Variants in TCTN1 observed in about 807,000 individuals in gnomAD.
TCTN1 encodes tectonic family member 1.
A neutral mutation model predicts 65.8 loss-of-function variants in TCTN1; 58 were observed. The ratio of observed to expected loss-of-function variants is 0.88; its 90% CI spans 0.71 to 1.10. The LOEUF (loss-of-function observed/expected upper bound fraction) is 1.10. TCTN1 is among the 50% of genes least tolerant of loss of function. The pLI, the probability that TCTN1 is intolerant of heterozygous loss-of-function variation, is 0.00. For synonymous variants in TCTN1, 273 were observed against 289.1 expected (o/e 0.94, Z 0.57); for missense variants, 645 against 719.4 (o/e 0.90, Z 1.18).
intron 6 of TCTN1, chr12:110,636,127 G>T: frequency 3.7e-6 from 1 of 272,904 alleles, no homozygotes; most frequent in South Asian, 4.1e-5. Context: ...AAGGACAGGT[G>T]CAGTGAGAGT....
intron 2 of TCTN1, among the ~76,000 whole-genome samples, chr12:110,625,096 A>G (rs1255421891): frequency 6.6e-6 from 1 of 152,170 alleles, no homozygotes; most frequent in East Asian, 1.9e-4. Context: ...AGGAATTTGG[A>G]TCTATTCTGG....
Position 110,614,338 on chromosome 12 carries a change from G to GC in TCTN1, c.162dup (p.Gly55ArgfsTer27), listed in dbSNP as rs1413972342. The GC allele has an allele frequency of 1.2e-6, 2 of 1,606,508 alleles. No homozygotes were observed. Among genetic ancestry groups the GC allele is most frequent in the Non-Finnish European group, 8.5e-7 (1 of 1,177,374 alleles). ...CCTTCGGAACTTTCCCGTCGACCAGGCCCCCCGGGACTCCCAGGGCTCCAG... is the reference window on the plus strand; with the variant it reads ...CCTTCGGAACTTTCCCGTCGACCAGGCCCCCCCGGGACTCCCAGGGCTCCAG... On this transcript the variant is annotated frameshift_variant, in exon 1 of 15. Transcript: ENST00000397659. LOFTEE classifies it high-confidence loss of function.
chr12:110,629,166 A>G lies in TCTN1; in HGVS notation c.624+248A>G, dbSNP rs1195179582. 1.9e-5 allele frequency: 11 copies of G among 590,290 alleles called. No individual in the cohort carries two copies. The East Asian group carries it at 3.1e-4, about 17-fold the overall frequency. The allele number at this position is 590,290 out of a possible 1,614,324, so 36.6% of individuals were successfully genotyped here. The stretch of plus-strand genomic sequence containing the variant: ...CCTAGAAGAAAACCCAGGCAATACC[A>G]TTCAGGACATAGACATGGGCAAAGA... On this transcript the variant is annotated intron_variant, in intron 4 of 14. Transcript: ENST00000397659.
chr12:110,641,438 T>C, intron 9 of TCTN1, 104 bp from the exon 10 acceptor site: 1 of 1,151,902 alleles, frequency 8.7e-7, no homozygotes. Flanking sequence ...AATTCTTTTA[T>C]TGGTTGGTAA....
chr12:110,633,214 C>A (rs2066343993), intron 5 of TCTN1, among the ~76,000 whole-genome samples: 1 of 152,226 alleles, frequency 6.6e-6, no homozygotes, highest in Non-Finnish European at 1.5e-5. Flanking sequence ...AGGCTTGGCT[C>A]TCCCATCCCC....
At chr12:110,642,569 C>A (rs1481711454) in intron 11 of TCTN1, among the ~76,000 whole-genome samples, 180 bp downstream of exon 11, 1 of 152,080 alleles carries the variant, frequency 6.6e-6, no homozygotes, top group African/African-American at 2.4e-5. Flanking sequence ...TTATTAAATA[C>A]GGCAAAGCAA....
At chr12:110,641,712 C>A in intron 10 of TCTN1, 85 bp downstream of exon 10, 1 of 1,390,680 alleles carries the variant, frequency 7.2e-7, no homozygotes, top group Non-Finnish European at 1.0e-6. Flanking sequence ...TGAGGCTCCC[C>A]TGGGCTGCTT....
rs771233284 is a variant in TCTN1 at position 110,628,870 on chromosome 12, T to A, written c.576T>A (p.Tyr192Ter). The A allele has an allele frequency of 1.1e-5, 17 of 1,613,680 alleles. No homozygotes were observed. The highest frequency in any genetic ancestry group is 8.5e-7 in the Non-Finnish European group (1 of 1,179,960). The change falls in exon 4 of 15, where the codon TAT (tyrosine) becomes TAA (stop). Residue 192 changes from tyrosine (Y) to a stop codon, truncating the protein, a stop_gained. Coordinates refer to ENST00000397659, the MANE Select transcript of TCTN1 (RefSeq NM_001082538.3). LOFTEE classifies it high-confidence loss of function. ...SDGFTLNAES[Y>*]VSFTTKLDIP... The stretch of plus-strand genomic sequence containing the variant: ...GTTTTACATTGAATGCTGAATCATA[T>A]GTTTCCTTCACAACCAAACTGGATA...
intron 1 of TCTN1, among the ~76,000 whole-genome samples, chr12:110,617,786 G>A (rs556664435): frequency 6.6e-6 from 1 of 151,136 alleles, no homozygotes; most frequent in East Asian, 2.0e-4. Context: ...GACTACGGGT[G>A]TGTGCCACCA....
At chr12:110,619,700 ATT>A (rs2065283246) in intron 1 of TCTN1, 134 bp from the exon 2 acceptor site, 1 of 1,393,984 alleles carries the variant, frequency 7.2e-7, no homozygotes, top group East Asian at 2.4e-5. Context: ...CACTTCACAA[ATT>A]TCCCCCAAAG....
chr12:110,626,541 T>G, intron 3 of TCTN1, 49 bp downstream of exon 3: 2 of 1,576,456 alleles, frequency 1.3e-6, no homozygotes, highest in Non-Finnish European at 1.7e-6. Context: ...AAAATTTTTC[T>G]CAAAGTTATG....
In TCTN1 at chr12:110,642,334, G is replaced by A; in HGVS notation, c.1276G>A (p.Gly426Arg). 1.2e-6 allele frequency: 2 copies of A among 1,614,206 alleles called. No individual in the cohort carries two copies. Among genetic ancestry groups the A allele is most frequent in the South Asian group, 2.2e-5 (2 of 91,086 alleles). ...TTEQDCLALE[G>R]VRTPVLFGYT... ...TGAGCAAGACTGCTTAGCACTGGAG[G>A]GGGTCCGGACCCCAGTATTATTTGG... is the stretch of plus-strand genomic sequence containing the variant. Residue 426 changes from glycine to arginine, a missense_variant, in exon 11 of 15, where the codon GGG (glycine) becomes AGG (arginine). Coordinates refer to ENST00000397659, the MANE Select transcript of TCTN1 (RefSeq NM_001082538.3).
intron 5 of TCTN1, chr12:110,634,292 C>A (rs1593312018): frequency 4.8e-6 from 2 of 419,136 alleles, no homozygotes; most frequent in East Asian, 1.5e-4. Context: ...AGCTGGGGGG[C>A]AGGACAAGAA....
At chr12:110,626,763 G>GTTT (rs1236209029) in intron 3 of TCTN1, among the ~76,000 whole-genome samples, 125 of 89,870 alleles carry the variant, frequency 1.4e-3, no homozygotes, top group African/African-American at 1.7e-3. Flanking sequence ...TGTGTGCGTG[G>GTTT]TTTTTTTTTT....
intron 4 of TCTN1, among the ~76,000 whole-genome samples, chr12:110,630,935 G>C (rs1188098868): frequency 6.6e-6 from 1 of 152,146 alleles, no homozygotes; most frequent in East Asian, 1.9e-4. Flanking sequence ...AAAGCAACTT[G>C]TCAGAACTAG....
Position 110,640,401 on chromosome 12 carries a change from T to C in TCTN1, c.862T>C (p.Ser288Pro), listed in dbSNP as rs774309496. 4 of 1,614,134 alleles carry C rather than the reference T, an allele frequency of 2.5e-6. No individual in the cohort carries two copies. In the Admixed American group the frequency reaches 6.7e-5, roughly 27 times the overall value. ...SRKKVPITVQSIVIQSLNKTL... is the reference protein window; with the variant it reads ...SRKKVPITVQPIVIQSLNKTL... ...TCTGCAGGTCCCTATCACTGTTCAG[T>C]CCATCGTCATTCAGTCTCTAAATAA... is the stretch of plus-strand genomic sequence containing the variant. The change falls in exon 8 of 15, where the codon TCC becomes CCC. Residue 288 changes from serine to proline, a missense_variant. Ser to Pro is a moderately conservative substitution (Grantham distance 74). Transcript: ENST00000397659. The surrounding 1 kb of genome is among the most constrained non-coding windows in gnomAD (Gnocchi z 4.9).
chr12:110,634,781 TA>T lies in TCTN1; in HGVS notation c.822+4del. 1 of 1,601,294 alleles carries T rather than the reference TA, an allele frequency of 6.2e-7. No individual in the cohort carries two copies. The highest frequency in any genetic ancestry group is 8.5e-7 in the Non-Finnish European group (1 of 1,171,550). Reference sequence around the variant, plus strand: ...TACAGCAGCCCGGAAATTCTGAGGGTAAGAATTATTTTGAAGTGGAACTTAC... The same window carrying T: ...TACAGCAGCCCGGAAATTCTGAGGGTAGAATTATTTTGAAGTGGAACTTAC... On this transcript the variant is annotated splice_donor_region_variant and intron_variant, in intron 6 of 14. Transcript: ENST00000397659.
intron 2 of TCTN1, 87 bp from the exon 3 acceptor site, chr12:110,626,275 A>G: frequency 7.1e-7 from 1 of 1,411,800 alleles, no homozygotes. Flanking sequence ...ATAGTACAGT[A>G]CAAGCATCTG....
chr12:110,641,472 G>A (rs1207473431), intron 9 of TCTN1, 70 bp from the exon 10 acceptor site: 2 of 1,438,260 alleles, frequency 1.4e-6, no homozygotes, highest in Non-Finnish European at 2.0e-6. Flanking sequence ...TATGAAAGAA[G>A]AATTTTTCTT....
Sources: allele counts gnomAD v4.1 joint callset (sites outside exome capture counted in the v4.1 genomes callset), GRCh38; gene constraint gnomAD v4.1.1; non-coding constraint Gnocchi (gnomAD v3.1); transcripts MANE v1.5; gene names NCBI Gene and HGNC (gene_info 2026-07-23, HGNC 2026-07-21).